The following C2CD3 variants were observed in gnomAD, a reference collection of about 807,000 sequenced individuals.
The protein encoded by C2CD3 is C2 domain containing 3 centriole elongation regulator.
Under a neutral mutation model 234.0 loss-of-function variants are expected in C2CD3, and 148 were observed. That is an observed-to-expected ratio of 0.63 (90% CI 0.55 to 0.72). The LOEUF (loss-of-function observed/expected upper bound fraction) is 0.72, where lower values mean the gene tolerates loss of function less well. C2CD3 is among the 30% of genes least tolerant of loss of function. C2CD3 has a pLI of 0.00. For missense variants in C2CD3, 2,577 were observed against 2,811.5 expected (o/e 0.92, Z 1.89); for synonymous variants, 1,000 against 1,035.4 (o/e 0.97, Z 0.66).
At chr11:74,117,448 ATG>A (rs1957062622) in intron 9 of C2CD3, among the ~76,000 whole-genome samples, 1 of 147,458 alleles carries the variant, frequency 6.8e-6, no homozygotes, top group Admixed American at 7.0e-5. Flanking sequence ...AGCAACCTAG[ATG>A]GAATTGGAGA....
In C2CD3 at chr11:74,037,478, C is replaced by T. The variant is rs1258177006; in HGVS notation, c.5881G>A (p.Asp1961Asn). 1.2e-6 allele frequency: 2 copies of T among 1,611,108 alleles called. No homozygotes were observed. Among genetic ancestry groups the T allele is most frequent in the Admixed American group, 1.7e-5 (1 of 60,012 alleles). Residue 1961 changes from aspartate to asparagine, a missense_variant and splice_region_variant, in exon 30 of 33, where the codon GAT (aspartate) becomes AAT (asparagine). Physicochemically the swap from Asp to Asn is conservative, Grantham distance 23 (BLOSUM62 1). Transcript: ENST00000334126. ...CAACAAGAAAGGATCTGAGTCATAC[C>T]TGTGATTAAGGAGCTGACTTGCAAC... The part of the protein sequence containing the change: ...LVLQVSSLIT[D>N]LQTITRDSQA...
At chr11:74,028,424 A>G (rs773439744) in intron 31 of C2CD3, 26 bp from the exon 32 acceptor site, 552 of 1,455,278 alleles carry the variant, frequency 3.8e-4, no homozygotes, top group Non-Finnish European at 4.7e-4. Flanking sequence ...AGGGACAAAA[A>G]TACCTAGAAG....
In C2CD3 at chr11:74,139,743, A is replaced by G; in HGVS notation, c.569T>C (p.Leu190Ser). ...PTTDMTENVL[L>S]SKQGFRENTE... Reference sequence around the variant, plus strand: ...ATTCTCTCTGAATCCCTGCTTAGATAAAAGCACATTTTCTGTCATGTCAGT... The same window carrying G: ...ATTCTCTCTGAATCCCTGCTTAGATGAAAGCACATTTTCTGTCATGTCAGT... The change falls in exon 4 of 33, where the codon TTA becomes TCA. Residue 190 changes from leucine (L) to serine (S), a missense_variant. Coordinates refer to ENST00000334126, the MANE Select transcript of C2CD3 (RefSeq NM_001286577.2). 6.2e-7 allele frequency: 1 copy of G among 1,613,462 alleles called. No individual in the cohort carries two copies. The highest frequency in any genetic ancestry group is 8.5e-7 in the Non-Finnish European group (1 of 1,179,408).
intron 5 of C2CD3, among the ~76,000 whole-genome samples, chr11:74,137,998 G>C (rs1285235520): frequency 6.6e-6 from 1 of 152,132 alleles, no homozygotes; most frequent in African/African-American, 2.4e-5. Flanking sequence ...TACCCAAATA[G>C]TTATTTAAAA....
Position 74,033,941 on chromosome 11 carries a change from G to A in C2CD3, c.6219C>T (p.Thr2073=), listed in dbSNP as rs887938233. The change falls in exon 31 of 33, where the codon ACC becomes ACT. Residue 2073 remains threonine, a synonymous_variant. Transcript: ENST00000334126. ...DYEEDIIEPR[T]LNEITTVTDK... ...CTGTCACCGTGGTGATCTCATTTAAGGTCCTGGGCTCAATGATGTCTTCTT... is the reference window on the plus strand; with the variant it reads ...CTGTCACCGTGGTGATCTCATTTAAAGTCCTGGGCTCAATGATGTCTTCTT... 22 of 1,536,214 alleles carry A rather than the reference G, an allele frequency of 1.4e-5. No homozygotes were observed. The African/African-American group carries it at 1.9e-4, about 13-fold the overall frequency.
At chr11:74,082,145 C>T (rs1438864634) in intron 22 of C2CD3, among the ~76,000 whole-genome samples, 1 of 139,768 alleles carries the variant, frequency 7.2e-6, no homozygotes, top group Non-Finnish European at 1.5e-5. Flanking sequence ...TTTTTTGAGA[C>T]GGAGTCTCGG....
Position 74,161,531 on chromosome 11 carries a change from T to C in C2CD3, c.351A>G (p.Val117=). 6.3e-7 allele frequency: 1 copy of C among 1,587,156 alleles called. No homozygotes were observed. The highest frequency in any genetic ancestry group is 1.7e-4 in the Middle Eastern group (1 of 5,990). ...LTDMAVLVLE[V]ITKLDGLPIG... is the part of the protein sequence containing the mutation. ...TTGGAAGACCATCAAGTTTGGTGAT[T>C]ACTTCCAGCACCAGCACAGCCATAT... The change falls in exon 3 of 33, where the codon GTA becomes GTG. Residue 117 remains valine (V), a synonymous_variant. Transcript: ENST00000334126.
intron 7 of C2CD3, among the ~76,000 whole-genome samples, chr11:74,130,668 T>G (rs937019264): frequency 5.9e-5 from 9 of 152,264 alleles, no homozygotes; most frequent in Non-Finnish European, 1.0e-4. Context: ...GATGGGTTTT[T>G]TTCTAAACTA....
intron 3 of C2CD3, among the ~76,000 whole-genome samples, chr11:74,152,151 T>C (rs896013772): frequency 1.3e-5 from 2 of 152,170 alleles, no homozygotes; most frequent in Non-Finnish European, 2.9e-5. Context: ...ATTGTTAAAC[T>C]TCTATCCAGC....
intron 27 of C2CD3, 106 bp downstream of exon 27, chr11:74,049,231 G>A (rs759776810): frequency 3.4e-5 from 30 of 894,592 alleles, no homozygotes; most frequent in Non-Finnish European, 5.2e-5. Context: ...GACACATATA[G>A]TATATAACGT....
At chr11:74,063,780 TC>T (rs1340639231) in intron 24 of C2CD3, among the ~76,000 whole-genome samples, 1 of 152,154 alleles carries the variant, frequency 6.6e-6, no homozygotes, top group Non-Finnish European at 1.5e-5. Context: ...GCCAGGGCAA[TC>T]AGGCAAGAGA....
chr11:74,033,498 G>C lies in C2CD3; in HGVS notation c.6662C>G (p.Ser2221Cys). 6.5e-7 allele frequency: 1 copy of C among 1,536,196 alleles called. No individual in the cohort carries two copies. The highest frequency in any genetic ancestry group is 8.7e-7 in the Non-Finnish European group (1 of 1,146,916). ...CGGCAACTTCTTGAAGCTATCAGCA[G>C]AGTCACCGAGCTCACTGGTGGCAGC... ...NEAATSELGDSADSFKKLPLN... is the reference protein window; with the variant it reads ...NEAATSELGDCADSFKKLPLN... Residue 2221 changes from serine to cysteine, a missense_variant, in exon 31 of 33, where the codon TCT becomes TGT. Physicochemically the swap from Ser to Cys is moderately radical, Grantham distance 112. Transcript: ENST00000334126.
intron 20 of C2CD3, among the ~76,000 whole-genome samples, chr11:74,086,897 T>G (rs894645596): frequency 3.3e-5 from 5 of 152,186 alleles, no homozygotes; most frequent in Non-Finnish European, 4.4e-5. Flanking sequence ...CTTACTGTAC[T>G]TCATAGAGAG....
intron 3 of C2CD3, chr11:74,142,303 T>C (rs1320688215): frequency 6.6e-6 from 1 of 152,344 alleles, no homozygotes; most frequent in East Asian, 1.9e-4. Context: ...TCAGAAATTA[T>C]GATTCCATGA....
At chr11:74,099,543 G>T (rs762843373) in intron 15 of C2CD3, among the ~76,000 whole-genome samples, 15 of 152,204 alleles carry the variant, frequency 9.9e-5, no homozygotes, top group Non-Finnish European at 1.6e-4. Flanking sequence ...TGAGAAGGCT[G>T]CTAGGAAAGA....
rs1057524026 is a variant in C2CD3 at position 74,048,342 on chromosome 11, T to C, written c.5362-4A>G. On this transcript the variant is annotated splice_polypyrimidine_tract_variant and splice_region_variant and intron_variant, in intron 27 of 32. Coordinates refer to ENST00000334126, the MANE Select transcript of C2CD3 (RefSeq NM_001286577.2). ...AAAAGGGACTGTATATTGGGATCTG[T>C]AAACACAACAAGAAAAATGGTACAC... The C allele has an allele frequency of 1.2e-6, 2 of 1,613,294 alleles. No homozygotes were observed. Among genetic ancestry groups the C allele is most frequent in the Non-Finnish European group, 1.7e-6 (2 of 1,179,476 alleles).
At chr11:74,116,442 C>G (rs1231685715) in intron 9 of C2CD3, among the ~76,000 whole-genome samples, 2 of 150,980 alleles carry the variant, frequency 1.3e-5, no homozygotes, top group Non-Finnish European at 3.0e-5. Context: ...TTTACTCCTG[C>G]AAGAATGGCC....
At chr11:74,091,026 G>A in intron 19 of C2CD3, 90 bp from the exon 20 acceptor site, 1 of 1,329,536 alleles carries the variant, frequency 7.5e-7, no homozygotes, top group Non-Finnish European at 1.1e-6. Flanking sequence ...GGATGGAAGA[G>A]GATTAACACT....
intron 32 of C2CD3, among the ~76,000 whole-genome samples, chr11:74,027,282 A>AT (rs1289987205): frequency 6.6e-6 from 1 of 151,960 alleles, no homozygotes; most frequent in Non-Finnish European, 1.5e-5. Flanking sequence ...AATTTTTGTA[A>AT]TTTTTAGTAG....
Sources: allele counts gnomAD v4.1 joint callset (sites outside exome capture counted in the v4.1 genomes callset), GRCh38; gene constraint gnomAD v4.1.1; transcripts MANE v1.5; gene names NCBI Gene and HGNC (gene_info 2026-07-23, HGNC 2026-07-21).